The following PTPRD variants were observed in gnomAD, a reference collection of about 807,000 sequenced individuals.
The protein encoded by PTPRD is protein tyrosine phosphatase receptor type D, also known as receptor-type tyrosine-protein phosphatase delta.
A neutral mutation model predicts 214.5 loss-of-function variants in PTPRD; 34 were observed. The ratio of observed to expected loss-of-function variants is 0.16; its 90% CI spans 0.12 to 0.21. The LOEUF (loss-of-function observed/expected upper bound fraction) is 0.21, where lower values mean the gene tolerates loss of function less well. Ranked by LOEUF, PTPRD falls within the 10% of genes least tolerant of loss-of-function variation. The pLI, the probability that PTPRD is intolerant of heterozygous loss-of-function variation, is 1.00. For missense variants in PTPRD, 2,545 were observed against 2,398.7 expected (o/e 1.06, Z -1.27); for synonymous variants, 1,128 against 845.7 (o/e 1.33, Z -5.79).
chr9:10,350,885 G>A (rs953305947), intron 2 of PTPRD, among the ~76,000 whole-genome samples: 1 of 152,088 alleles, frequency 6.6e-6, no homozygotes, highest in African/African-American at 2.4e-5. Flanking sequence ...GGAGTTTACA[G>A]GATAGGTGGA....
chr9:10,229,639 G>A (rs2099601508), intron 3 of PTPRD, among the ~76,000 whole-genome samples: 1 of 150,964 alleles, frequency 6.6e-6, no homozygotes, highest in Middle Eastern at 3.2e-3. Flanking sequence ...ACTCATAGGT[G>A]GGAATTGAAC....
intron 5 of PTPRD, among the ~76,000 whole-genome samples, chr9:9,884,886 C>T (rs143940920): frequency 0.013 from 1,916 of 152,188 alleles, 24 homozygotes; most frequent in Middle Eastern, 0.037. Flanking sequence ...CACCCCAGCC[C>T]AATGGAACTA....
intron 8 of PTPRD, among the ~76,000 whole-genome samples, chr9:9,455,546 G>T (rs997542245): frequency 2.0e-5 from 3 of 151,320 alleles, no homozygotes; most frequent in African/African-American, 4.8e-5. Context: ...CTTTTACAAG[G>T]CCCCCAAAAG....
At chr9:9,250,864 CTTT>C (rs1464468963) in intron 9 of PTPRD, among the ~76,000 whole-genome samples, 1 of 152,004 alleles carries the variant, frequency 6.6e-6, no homozygotes, top group Non-Finnish European at 1.5e-5. Flanking sequence ...TGTGAAAAGT[CTTT>C]TTATTTATTT....
At chr9:9,393,041 C>T (rs777784355) in intron 9 of PTPRD, among the ~76,000 whole-genome samples, 2 of 152,064 alleles carry the variant, frequency 1.3e-5, no homozygotes, top group Non-Finnish European at 2.9e-5. Context: ...GGTTAATCGG[C>T]TTCCCTCTTG....
chr9:9,205,463 G>GATA (rs1177566135), intron 9 of PTPRD, among the ~76,000 whole-genome samples: 1 of 151,840 alleles, frequency 6.6e-6, no homozygotes, highest in Non-Finnish European at 1.5e-5. Context: ...ATTACTTCTA[G>GATA]ATAATAATAA....
intron 4 of PTPRD, among the ~76,000 whole-genome samples, chr9:9,945,615 T>G (rs1182679676): frequency 1.3e-5 from 2 of 152,136 alleles, no homozygotes; most frequent in Non-Finnish European, 2.9e-5. Flanking sequence ...ACAGAGCTCA[T>G]GGGTGACCAT....
chr9:10,608,115 A>C (rs553462577), intron 2 of PTPRD, among the ~76,000 whole-genome samples: 5 of 152,084 alleles, frequency 3.3e-5, no homozygotes, highest in Admixed American at 2.6e-4. Context: ...TACAGTCTAC[A>C]TGTATGTAAG....
At chr9:8,634,036 A>G (rs1246965460) in intron 13 of PTPRD, among the ~76,000 whole-genome samples, 2 of 151,988 alleles carry the variant, frequency 1.3e-5, no homozygotes, top group African/African-American at 4.8e-5. Flanking sequence ...TAATTTTGCC[A>G]TAAATCATTC....
chr9:9,249,555 G>T (rs1350642776), intron 9 of PTPRD, among the ~76,000 whole-genome samples: 1 of 151,838 alleles, frequency 6.6e-6, no homozygotes, highest in Non-Finnish European at 1.5e-5. Context: ...CTCCATTTTT[G>T]TCTATGTCTC....
intron 9 of PTPRD, among the ~76,000 whole-genome samples, chr9:9,356,502 G>C (rs2053844313): frequency 6.6e-6 from 1 of 151,382 alleles, no homozygotes; most frequent in Non-Finnish European, 1.5e-5. Flanking sequence ...AATCATATGA[G>C]TGTTTGCCAC....
chr9:10,349,245 C>T (rs1439615488), intron 2 of PTPRD, among the ~76,000 whole-genome samples: 6 of 122,766 alleles, frequency 4.9e-5, no homozygotes, highest in Non-Finnish European at 9.5e-5. Context: ...ATAGACCTGT[C>T]TCCAGTGGGG....
chr9:9,235,872 GT>G (rs1339370583), intron 9 of PTPRD, among the ~76,000 whole-genome samples: 1 of 151,954 alleles, frequency 6.6e-6, no homozygotes, highest in African/African-American at 2.4e-5. Context: ...TGTTGTTGTT[GT>G]TTGGCCATGA....
At chr9:10,383,431 T>C (rs1273074298) in intron 2 of PTPRD, among the ~76,000 whole-genome samples, 1 of 151,884 alleles carries the variant, frequency 6.6e-6, no homozygotes, top group East Asian at 1.9e-4. Flanking sequence ...TATGTCATGC[T>C]TCCTTTGCTC....
chr9:10,000,757 C>T (rs899571395), intron 4 of PTPRD, among the ~76,000 whole-genome samples: 1 of 152,204 alleles, frequency 6.6e-6, no homozygotes, highest in African/African-American at 2.4e-5. Flanking sequence ...GAAACTAGGT[C>T]TAACCAACAT....
At chr9:9,937,163 C>T (rs1372190387) in intron 5 of PTPRD, among the ~76,000 whole-genome samples, 1 of 151,692 alleles carries the variant, frequency 6.6e-6, no homozygotes, top group Admixed American at 6.6e-5. Flanking sequence ...CAGCATGGCA[C>T]ATGTATACAT....
chr9:9,330,646 AT>A, intron 9 of PTPRD, among the ~76,000 whole-genome samples: 1 of 152,128 alleles, frequency 6.6e-6, no homozygotes, highest in Admixed American at 6.6e-5. Flanking sequence ...ATTCATTTTT[AT>A]TAAATTTTGA....
chr9:10,464,819 A>T (rs1473658751), intron 2 of PTPRD, among the ~76,000 whole-genome samples: 2 of 152,182 alleles, frequency 1.3e-5, no homozygotes, highest in East Asian at 3.9e-4. Flanking sequence ...ATTGCTTATC[A>T]TTAAAAAATT....
chr9:10,288,934 A>G (rs2095445377), intron 3 of PTPRD, among the ~76,000 whole-genome samples: 1 of 152,146 alleles, frequency 6.6e-6, no homozygotes, highest in African/African-American at 2.4e-5. Flanking sequence ...TGACTATATA[A>G]TCGGCATCAA....
Sources: allele counts gnomAD v4.1 joint callset (sites outside exome capture counted in the v4.1 genomes callset), GRCh38; gene constraint gnomAD v4.1.1; transcripts MANE v1.5; gene names NCBI Gene and HGNC (gene_info 2026-07-23, HGNC 2026-07-21).